The following FOLR3 variants were observed in gnomAD, a reference collection of about 807,000 sequenced individuals.
FOLR3 encodes folate receptor gamma.
FOLR3 carries 9 observed loss-of-function variants against 20.0 expected under a neutral mutation model. That is an observed-to-expected ratio of 0.45 (90% CI 0.27 to 0.79). The LOEUF (loss-of-function observed/expected upper bound fraction) is 0.79. Ranked by LOEUF, FOLR3 falls within the 30% of genes least tolerant of loss-of-function variation. The probability of loss-of-function intolerance (pLI) is 0.15; values close to 1 mark genes in which losing one functional copy is unlikely to be tolerated. For synonymous variants in FOLR3, 124 were observed against 115.5 expected (o/e 1.07, Z -0.47); for missense variants, 309 against 323.5 (o/e 0.96, Z 0.34).
chr11:72,138,824 C>T (rs774182310), intron 2 of FOLR3, 137 bp from the exon 3 acceptor site: 65 of 940,814 alleles, frequency 6.9e-5, no homozygotes, highest in Non-Finnish European at 9.0e-5. Context: ...TAATTGCCTC[C>T]GTCCCCAGGT....
At chr11:72,136,578 C>T (rs765092394) in intron 2 of FOLR3, among the ~76,000 whole-genome samples, 5 of 151,842 alleles carry the variant, frequency 3.3e-5, no homozygotes, top group Non-Finnish European at 5.9e-5. Context: ...TTTAACTGTA[C>T]GGTTCAGTGG....
At chr11:72,136,443 G>A (rs969537231) in intron 2 of FOLR3, among the ~76,000 whole-genome samples, 2 of 151,802 alleles carry the variant, frequency 1.3e-5, no homozygotes, top group South Asian at 4.1e-4. Context: ...GGGTTAAAGC[G>A]AAGACAGGAC....
In FOLR3 at chr11:72,136,107, A is replaced by G. The variant is rs1253715257; in HGVS notation, c.155A>G (p.Glu52Gly). The change falls in exon 2 of 5, where the codon GAG (glutamate) becomes GGG (glycine). Residue 52 changes from glutamate (E) to glycine (G), a missense_variant. By Grantham distance (98) the Glu-to-Gly change is moderately conservative. Transcript: ENST00000611028. ...HHKTQPSPED[E>G]LYGQCSPWKK... ...AAGACACAGCCCAGCCCCGAGGACG[A>G]GCTGTATGGCCAGGTGAGGGCAGCC... is the stretch of plus-strand genomic sequence containing the variant. The G allele has an allele frequency of 6.2e-7, 1 of 1,614,048 alleles. No homozygotes were observed. Among genetic ancestry groups the G allele is most frequent in the African/African-American group, 1.3e-5 (1 of 75,038 alleles).
intron 2 of FOLR3, among the ~76,000 whole-genome samples, chr11:72,138,292 G>A (rs1486963666): frequency 1.3e-5 from 2 of 152,062 alleles, no homozygotes; most frequent in South Asian, 2.1e-4. Context: ...CTTGAACCCG[G>A]GAGGTGGAGG....
intron 2 of FOLR3, among the ~76,000 whole-genome samples, chr11:72,137,589 T>G (rs1005609562): frequency 6.6e-6 from 1 of 151,952 alleles, no homozygotes; most frequent in Non-Finnish European, 1.5e-5. Flanking sequence ...CCTCCTGGGT[T>G]CAAGTGATTC....
rs1947795592 is a variant in FOLR3, at chr11:72,139,743, C to T, written c.650C>T (p.Ala217Val). The change falls in exon 5 of 5, where the codon GCC (alanine) becomes GTC (valine). Residue 217 changes from alanine (A) to valine (V), a missense_variant. Ala to Val is a moderately conservative substitution (Grantham distance 64). Transcript: ENST00000611028. The part of the protein sequence containing the change: ...GRCIQMWFDS[A>V]QGNPNEEVAK... ...TGCATCCAGATGTGGTTTGACTCAG[C>T]CCAGGGCAACCCCAATGAGGAGGTG... The T allele has an allele frequency of 1.2e-6, 2 of 1,614,082 alleles. No homozygotes were observed. The highest frequency in any genetic ancestry group is 1.7e-5 in the Admixed American group (1 of 60,024).
Position 72,139,721 on chromosome 11 carries a change from A to C in FOLR3, c.628A>C (p.Ile210Leu), listed in dbSNP as rs1282565475. The C allele has an allele frequency of 1.2e-6, 2 of 1,613,956 alleles. No homozygotes were observed. Among genetic ancestry groups the C allele is most frequent in the Non-Finnish European group, 8.5e-7 (1 of 1,180,008 alleles). The change falls in exon 5 of 5, where the codon ATC (isoleucine) becomes CTC (leucine). Residue 210 changes from isoleucine (I) to leucine (L), a missense_variant. Ile to Leu is a conservative substitution (Grantham distance 5). Coordinates refer to ENST00000611028, the MANE Select transcript of FOLR3 (RefSeq NM_000804.4). ...CTATAGTCGAGGGAGCGGCCGCTGC[A>C]TCCAGATGTGGTTTGACTCAGCCCA... ...SNYSRGSGRC[I>L]QMWFDSAQGN...
At position 72,135,761 on chromosome 11, in the gene FOLR3, G is replaced by C. The variant is rs1433792979; in HGVS notation, c.-14G>C. The C allele has an allele frequency of 1.6e-6, 1 of 636,318 alleles. No homozygotes were observed. Among genetic ancestry groups the C allele is most frequent in the East Asian group, 2.7e-5 (1 of 37,040 alleles). 39.4% of individuals were successfully genotyped at this position (636,318 alleles called of 1,614,324 possible). ...CTACAGCGCTGTTGGTGGAGGTCCTGCCTCCAGGTAGGGGAAGGGCTCCCT... is the reference window on the plus strand; with the variant it reads ...CTACAGCGCTGTTGGTGGAGGTCCTCCCTCCAGGTAGGGGAAGGGCTCCCT... On this transcript the variant is annotated 5_prime_UTR_variant, in exon 1 of 5. Coordinates refer to ENST00000611028, the MANE Select transcript of FOLR3 (RefSeq NM_000804.4).
intron 2 of FOLR3, 34 bp downstream of exon 2, chr11:72,136,154 C>T (rs1382716685): frequency 6.2e-7 from 1 of 1,611,468 alleles, no homozygotes; most frequent in South Asian, 1.1e-5. Context: ...AGCATGCACA[C>T]AGGTCAGAGG....
intron 4 of FOLR3, 34 bp downstream of exon 4, chr11:72,139,516 A>C (rs1947789913): frequency 6.2e-7 from 1 of 1,612,758 alleles, no homozygotes; most frequent in Non-Finnish European, 8.5e-7. Context: ...GAGGAGTGGG[A>C]GTGGGGCTTT....
chr11:72,138,513 T>C (rs1565348954), intron 2 of FOLR3, among the ~76,000 whole-genome samples: 1 of 152,158 alleles, frequency 6.6e-6, no homozygotes, highest in East Asian at 1.9e-4. Context: ...TAAGCAGGCA[T>C]GGTGGCTCAC....
At position 72,136,082 on chromosome 11, in the gene FOLR3, A is replaced by G; in HGVS notation, c.130A>G (p.Lys44Glu). The G allele has an allele frequency of 6.2e-7, 1 of 1,614,090 alleles. No individual in the cohort carries two copies. The highest frequency in any genetic ancestry group is 8.5e-7 in the Non-Finnish European group (1 of 1,179,938). ...TGTCTGCATGAACGCCAAGCACCACAAGACACAGCCCAGCCCCGAGGACGA... is the reference window on the plus strand; with the variant it reads ...TGTCTGCATGAACGCCAAGCACCACGAGACACAGCCCAGCCCCGAGGACGA... ...LNVCMNAKHH[K>E]TQPSPEDELY... The change falls in exon 2 of 5, where the codon AAG becomes GAG. Residue 44 changes from lysine (K) to glutamate (E), a missense_variant. Transcript: ENST00000611028.
chr11:72,136,075 G>T lies in FOLR3; in HGVS notation c.123G>T (p.Lys41Asn). The T allele has an allele frequency of 6.2e-7, 1 of 1,614,118 alleles. No homozygotes were observed. The highest frequency in any genetic ancestry group is 8.5e-7 in the Non-Finnish European group (1 of 1,179,952). The change falls in exon 2 of 5, where the codon AAG (lysine) becomes AAT (asparagine). Residue 41 changes from lysine to asparagine, a missense_variant. Lys to Asn is a moderately conservative substitution (Grantham distance 94). Coordinates refer to ENST00000611028, the MANE Select transcript of FOLR3 (RefSeq NM_000804.4). ...TGCTCAATGTCTGCATGAACGCCAA[G>T]CACCACAAGACACAGCCCAGCCCCG... ...TDLLNVCMNA[K>N]HHKTQPSPED...
rs1364331512 is a variant in FOLR3, at chr11:72,139,093, A to G, written c.301A>G (p.Ile101Val). Residue 101 changes from isoleucine to valine, a missense_variant, in exon 3 of 5, where the codon ATC (isoleucine) becomes GTC (valine). By Grantham distance (29) the Ile-to-Val change is conservative. Transcript: ENST00000611028. The part of the protein sequence containing the change: ...KMEPTCKRHF[I>V]QDSCLYECSP... Reference sequence around the variant, plus strand: ...GGAACCCACCTGCAAGCGCCACTTTATCCAGGACAGCTGTCTCTATGAGTG... The same window carrying G: ...GGAACCCACCTGCAAGCGCCACTTTGTCCAGGACAGCTGTCTCTATGAGTG... The G allele has an allele frequency of 9.7e-6, 15 of 1,542,826 alleles. No homozygotes were observed. The highest frequency in any genetic ancestry group is 1.2e-5 in the Non-Finnish European group (14 of 1,148,616).
chr11:72,136,179 A>G (rs1947740231), intron 2 of FOLR3, 59 bp downstream of exon 2: 2 of 1,590,192 alleles, frequency 1.3e-6, no homozygotes, highest in Non-Finnish European at 1.7e-6. Context: ...TGGCACGAGC[A>G]ATGGCAGGTC....
intron 1 of FOLR3, 37 bp downstream of exon 1, chr11:72,135,805 G>T: frequency 2.3e-6 from 2 of 856,598 alleles, no homozygotes; most frequent in South Asian, 3.0e-5. Context: ...TACACGCAGC[G>T]CATTTCTTGG....
chr11:72,139,238 G>C, intron 3 of FOLR3, 89 bp downstream of exon 3: 1 of 1,557,666 alleles, frequency 6.4e-7, no homozygotes, highest in Non-Finnish European at 8.7e-7. Flanking sequence ...AGGAATTCGG[G>C]TCTGAGGGTG....
Position 72,139,075 on chromosome 11 carries a change from A to AC in FOLR3, c.285dup (p.Cys96LeufsTer13). ...GGATCACTGTGGTAAGATGGAACCC[A>AC]CCTGCAAGCGCCACTTTATCCAGGA... On this transcript the variant is annotated frameshift_variant, in exon 3 of 5. Coordinates refer to ENST00000611028, the MANE Select transcript of FOLR3 (RefSeq NM_000804.4). LOFTEE classifies it high-confidence loss of function. 1.2e-6 allele frequency: 2 copies of AC among 1,610,226 alleles called. No homozygotes were observed. Among genetic ancestry groups the AC allele is most frequent in the East Asian group, 4.5e-5 (2 of 44,624 alleles).
intron 2 of FOLR3, among the ~76,000 whole-genome samples, chr11:72,137,776 G>A (rs1452489567): frequency 6.6e-6 from 1 of 152,088 alleles, no homozygotes. Context: ...TTTACCATGG[G>A]TGTAGCTTAC....
Sources: gnomAD v4.1 joint callset for allele counts (sites outside exome capture counted in the v4.1 genomes callset) on GRCh38, gnomAD v4.1.1 for gene constraint, MANE v1.5 for transcripts, NCBI Gene and HGNC (gene_info 2026-07-23, HGNC 2026-07-21) for gene names.